C2orf92: variants seen among roughly 807,000 people sequenced by gnomAD.
C2orf92 encodes the protein uncharacterized protein C2orf92.
intron 4 of C2orf92, among the ~76,000 whole-genome samples, chr2:97,689,563 T>C (rs1012416532): frequency 5.3e-5 from 8 of 152,164 alleles, no homozygotes; most frequent in East Asian, 1.9e-4. Flanking sequence ...TTGCTCACAG[T>C]AATAAGGATA....
In C2orf92 at chr2:97,699,040, G is replaced by T. The variant is rs185799404; in HGVS notation, c.418G>T (p.Glu140Ter). ...KIPDKDHLSEEKNFKESCLFD... is the reference protein window; with the variant it reads ...KIPDKDHLSE ...ATCTTTTGTAGATCACCTTTCAGAG[G>T]AGAAGAATTTTAAAGAATCCTGTCT... is the stretch of plus-strand genomic sequence containing the variant. Residue 140 changes from glutamate (E) to a stop codon, truncating the protein, a stop_gained, in exon 6 of 8, where the codon GAG (glutamate) becomes TAG (stop). Transcript: ENST00000627399. LOFTEE classifies it high-confidence loss of function. 1.3e-5 allele frequency: 5 copies of T among 398,414 alleles called. No homozygotes were observed. 24.7% of individuals were successfully genotyped at this position (398,414 alleles called of 1,614,324 possible). A position where few individuals can be genotyped will look rare whatever the true frequency, so the allele number is the denominator to read the frequency against.
upstream of C2orf92, chr2:97,664,201 G>T (rs1675126477): frequency 5.6e-6 from 1 of 177,480 alleles, no homozygotes; most frequent in Non-Finnish European, 1.2e-5. Flanking sequence ...AAGGTAGGCT[G>T]CGCAGTGTCT....
chr2:97,669,675 T>C (rs1054186850), upstream of C2orf92: 5 of 395,812 alleles, frequency 1.3e-5, no homozygotes, highest in African/African-American at 8.2e-5. Context: ...CTCACTTCCG[T>C]GTATGACTTC....
intron 3 of C2orf92, among the ~76,000 whole-genome samples, chr2:97,680,996 A>G (rs1490340821): frequency 6.6e-6 from 1 of 150,774 alleles, no homozygotes; most frequent in Non-Finnish European, 1.5e-5. Flanking sequence ...AGTCCCAGCT[A>G]CTTGGGAGGT....
chr2:97,665,727 CTCTCTCTCTCTATATATATATA>C (rs1351926222), upstream of C2orf92: 268 of 33,596 alleles, frequency 8.0e-3, 2 homozygotes, highest in African/African-American at 0.021. Flanking sequence ...CTCTCTCTCT[CTCTCTCTCTCTATATATATATA>C]TATATATATA....
At chr2:97,684,362 A>G (rs1675883084) in intron 3 of C2orf92, among the ~76,000 whole-genome samples, 1 of 152,174 alleles carries the variant, frequency 6.6e-6, no homozygotes, top group Admixed American at 6.5e-5. Flanking sequence ...CAAGGATGTC[A>G]AAGCCAACAG....
intron 1 of C2orf92, chr2:97,671,465 A>G: frequency 2.5e-6 from 1 of 398,580 alleles, no homozygotes; most frequent in Non-Finnish European, 4.4e-6. Flanking sequence ...CCTCAAATTC[A>G]AAAAATCCTG....
At position 97,702,775 on chromosome 2, in the gene C2orf92, C is replaced by G. The variant is rs1291275812; in HGVS notation, c.772C>G (p.Gln258Glu). The change falls in exon 8 of 8, where the codon CAG (glutamine) becomes GAG (glutamate). Residue 258 changes from glutamine to glutamate, a missense_variant. Transcript: ENST00000627399. ...NFTKLAKKQK[Q>E]LKSSSCV Reference sequence around the variant, plus strand: ...CACAAAACTTGCAAAAAAACAGAAACAGTTGAAGAGCAGCTCCTGTGTCTA... The same window carrying G: ...CACAAAACTTGCAAAAAAACAGAAAGAGTTGAAGAGCAGCTCCTGTGTCTA... 1 of 398,818 alleles carries G rather than the reference C, an allele frequency of 2.5e-6. No homozygotes were observed. The highest frequency in any genetic ancestry group is 2.1e-5 in the African/African-American group (1 of 48,602). The allele number at this position is 398,818 out of a possible 1,614,324, so 24.7% of individuals were successfully genotyped here. A position where few individuals can be genotyped will look rare whatever the true frequency, so the allele number is the denominator to read the frequency against.
chr2:97,674,950 A>C (rs1481013447), intron 2 of C2orf92, among the ~76,000 whole-genome samples: 5 of 152,134 alleles, frequency 3.3e-5, no homozygotes, highest in Non-Finnish European at 5.9e-5. Context: ...GGAGTGCCCA[A>C]GTCACCGGCT....
At chr2:97,691,884 G>A (rs1445154134) in intron 5 of C2orf92, among the ~76,000 whole-genome samples, 5 of 152,152 alleles carry the variant, frequency 3.3e-5, no homozygotes, top group East Asian at 3.9e-4. Flanking sequence ...GCGAAACTCC[G>A]TGCTGGGATT....
At chr2:97,673,484 C>G (rs772807293) in intron 1 of C2orf92, among the ~76,000 whole-genome samples, 1 of 152,124 alleles carries the variant, frequency 6.6e-6, no homozygotes. Flanking sequence ...AGATCATGAG[C>G]GCCAGATTGT....
rs1484390847 is a variant in C2orf92, at chr2:97,677,806, GAACAAAT to G, written c.232+1882_232+1888del. 3 of 152,130 alleles carry G rather than the reference GAACAAAT, an allele frequency of 2.0e-5. No homozygotes were observed. The East Asian group carries it at 5.8e-4, about 29-fold the overall frequency. The allele number at this position is 152,130 out of a possible 1,614,324, so 9.4% of individuals were successfully genotyped here. ...TGTTCACTGAACTAAAGGAGACCAT[GAACAAAT>G]AACTTAAGGAAATCAGGAAAACAAT... On this transcript the variant is annotated intron_variant, in intron 3 of 7. Transcript: ENST00000627399.
intron 7 of C2orf92, among the ~76,000 whole-genome samples, chr2:97,701,697 G>A (rs1200234741): frequency 6.6e-6 from 1 of 152,250 alleles, no homozygotes; most frequent in African/African-American, 2.4e-5. Context: ...GAGAGTGAGA[G>A]CAGGGCTGAT....
chr2:97,679,610 G>A (rs776429216), intron 3 of C2orf92, among the ~76,000 whole-genome samples: 8 of 152,092 alleles, frequency 5.3e-5, no homozygotes, highest in Non-Finnish European at 1.2e-4. Context: ...GGGAGGCTGA[G>A]GTGGGGGGAT....
At chr2:97,676,816 TTC>T (rs1157748404) in intron 3 of C2orf92, among the ~76,000 whole-genome samples, 2 of 152,154 alleles carry the variant, frequency 1.3e-5, no homozygotes, top group African/African-American at 2.4e-5. Flanking sequence ...AGTGATCAGA[TTC>T]TGTGAGATGG....
intron 3 of C2orf92, among the ~76,000 whole-genome samples, chr2:97,682,041 A>G (rs1408436927): frequency 6.6e-6 from 1 of 152,200 alleles, no homozygotes; most frequent in African/African-American, 2.4e-5. Flanking sequence ...TTAGTTACTT[A>G]AAAAGACCAA....
intron 5 of C2orf92, among the ~76,000 whole-genome samples, chr2:97,691,476 T>G (rs919604352): frequency 6.6e-6 from 1 of 152,198 alleles, no homozygotes; most frequent in Non-Finnish European, 1.5e-5. Context: ...CTGAGCTATC[T>G]GATCATGCTG....
chr2:97,666,493 C>T (rs567022097), upstream of C2orf92, among the ~76,000 whole-genome samples: 83 of 143,706 alleles, frequency 5.8e-4, 1 homozygote, highest in African/African-American at 2.1e-3. Flanking sequence ...GCCGAGATCG[C>T]GCCACCAGCC....
At chr2:97,687,805 G>A (rs1021275703) in intron 3 of C2orf92, among the ~76,000 whole-genome samples, 11 of 150,388 alleles carry the variant, frequency 7.3e-5, no homozygotes, top group African/African-American at 1.2e-4. Context: ...CAGAGGCCTC[G>A]GGCAGTCTGC....
Sources: allele counts gnomAD v4.1 joint callset (sites outside exome capture counted in the v4.1 genomes callset), GRCh38; gene constraint gnomAD v4.1.1; transcripts MANE v1.5; gene names NCBI Gene and HGNC (gene_info 2026-07-23, HGNC 2026-07-21).